PCDHA12: variants seen among roughly 807,000 people sequenced by gnomAD.
The protein encoded by PCDHA12 is protocadherin alpha 12, also known as protocadherin alpha-12.
In PCDHA12, 44 loss-of-function variants were observed where a neutral mutation model predicts 60.0. The observed-to-expected ratio is 0.73, with a 90% CI of 0.58 to 0.94. The LOEUF (loss-of-function observed/expected upper bound fraction) is 0.94. PCDHA12 is among the 40% of genes least tolerant of loss of function. PCDHA12 has a pLI of 0.00. For missense variants in PCDHA12, 1,276 were observed against 1,239.7 expected (o/e 1.03, Z -0.44); for synonymous variants, 569 against 553.0 (o/e 1.03, Z -0.40).
intron 3 of PCDHA12, among the ~76,000 whole-genome samples, chr5:140,997,644 ATGCAATAT>A (rs1287449551): frequency 7.9e-5 from 12 of 151,656 alleles, no homozygotes; most frequent in African/African-American, 2.9e-4. Flanking sequence ...AAATGGGATA[ATGCAATAT>A]GTATTATTAT....
chr5:140,923,964 C>A (rs1410428693), intron 1 of PCDHA12, among the ~76,000 whole-genome samples: 1 of 152,160 alleles, frequency 6.6e-6, no homozygotes, highest in East Asian at 1.9e-4. Context: ...CTAATCTATA[C>A]CCACACATAC....
intron 1 of PCDHA12, among the ~76,000 whole-genome samples, chr5:140,898,854 C>G (rs1467228131): frequency 2.0e-5 from 3 of 152,150 alleles, no homozygotes; most frequent in Admixed American, 6.6e-5. Flanking sequence ...TTTGTATCCT[C>G]TTTTATTTCA....
At chr5:141,001,384 A>G (rs1554258149) in intron 3 of PCDHA12, among the ~76,000 whole-genome samples, 1 of 152,204 alleles carries the variant, frequency 6.6e-6, no homozygotes, top group African/African-American at 2.4e-5. Context: ...AGAGCCTAAG[A>G]TCCTACAGAG....
Position 140,956,487 on chromosome 5 carries a change from C to G in PCDHA12, c.2368-22462C>G, listed in dbSNP as rs2095287981. The stretch of plus-strand genomic sequence containing the variant: ...GCATATGTTGAACCAGTCTTGCATC[C>G]CAGGGATGAAGCCTACTTGATCATG... On this transcript the variant is annotated intron_variant, in intron 1 of 3. Transcript: ENST00000398631. Among the ~76,000 whole-genome samples, 2 of 152,032 alleles carry G rather than the reference C, an allele frequency of 1.3e-5. 1 individual carries two copies. Among genetic ancestry groups the G allele is most frequent in the Admixed American group, 1.3e-4 (2 of 15,252 alleles).
At position 140,877,090 on chromosome 5, in the gene PCDHA12, G is replaced by C; in HGVS notation, c.1618G>C (p.Ala540Pro). 4 of 1,613,186 alleles carry C rather than the reference G, an allele frequency of 2.5e-6. No homozygotes were observed. Among genetic ancestry groups the C allele is most frequent in the Non-Finnish European group, 3.4e-6 (4 of 1,179,808 alleles). ...GCAGTTCCAGGTGAGCGCGCGCGAC[G>C]CCGGCGTGCCGCCTCTGGGCAGCAA... ...LLQFQVSARD[A>P]GVPPLGSNVT... The change falls in exon 1 of 4, where the codon GCC (alanine) becomes CCC (proline). Residue 540 changes from alanine to proline, a missense_variant. Transcript: ENST00000398631.
intron 1 of PCDHA12, chr5:140,967,740 A>T (rs2096177949): frequency 6.2e-6 from 10 of 1,614,052 alleles, no homozygotes; most frequent in Non-Finnish European, 8.5e-6. Flanking sequence ...GGGCTGGATT[A>T]TGAGGAAGCC....
intron 1 of PCDHA12, among the ~76,000 whole-genome samples, chr5:140,932,418 ATTG>A (rs1457931424): frequency 1.3e-5 from 2 of 151,928 alleles, no homozygotes; most frequent in African/African-American, 4.8e-5. Context: ...ATATTAGTGT[ATTG>A]TTCACCTGGA....
intron 2 of PCDHA12, among the ~76,000 whole-genome samples, chr5:140,981,822 G>A (rs1229465317): frequency 6.6e-6 from 1 of 151,926 alleles, no homozygotes; most frequent in Non-Finnish European, 1.5e-5. Flanking sequence ...ATCTCTGCTT[G>A]CCTCTAAAGG....
intron 1 of PCDHA12, among the ~76,000 whole-genome samples, chr5:140,910,535 T>G (rs2153515129): frequency 6.6e-6 from 1 of 152,274 alleles, no homozygotes; most frequent in African/African-American, 2.4e-5. Flanking sequence ...CCCTCACAAA[T>G]CTATTTTGCA....
chr5:140,949,050 T>C lies in PCDHA12; in HGVS notation c.2368-29899T>C, dbSNP rs561017467. 5.3e-5 allele frequency among the ~76,000 whole-genome samples: 8 copies of C among 151,896 alleles called. No homozygotes were observed. The East Asian group carries it at 1.5e-3, about 29-fold the overall frequency. On this transcript the variant is annotated intron_variant, in intron 1 of 3. Coordinates refer to ENST00000398631, the MANE Select transcript of PCDHA12 (RefSeq NM_018903.4). ...TATTCATTTAAAAGTATGTTCTAAT[T>C]TCCATTATGATTTAACTCTTTCACC...
intron 2 of PCDHA12, among the ~76,000 whole-genome samples, chr5:140,979,831 A>G (rs1401761792): frequency 5.3e-5 from 8 of 152,236 alleles, no homozygotes; most frequent in African/African-American, 1.9e-4. Context: ...TTAAAGAAGA[A>G]ATAATCTTCA....
Position 140,876,644 on chromosome 5 carries a change from C to T in PCDHA12, c.1172C>T (p.Pro391Leu). The change falls in exon 1 of 4, where the codon CCT (proline) becomes CTT (leucine). Residue 391 changes from proline to leucine, a missense_variant. Pro to Leu is a moderately conservative substitution (Grantham distance 98, BLOSUM62 -3). Transcript: ENST00000398631. The stretch of plus-strand genomic sequence containing the variant: ...GGACAGGTCATCTGCTCACTGACAC[C>T]TCATGTTCCCTTCAAGCTGGTGTCC... ...ANGQVICSLT[P>L]HVPFKLVSTY... The T allele has an allele frequency of 1.2e-6, 2 of 1,614,200 alleles. No individual in the cohort carries two copies. Among genetic ancestry groups the T allele is most frequent in the South Asian group, 1.1e-5 (1 of 91,084 alleles).
At chr5:141,002,550 G>A (rs1458455103) in intron 3 of PCDHA12, among the ~76,000 whole-genome samples, 1 of 152,186 alleles carries the variant, frequency 6.6e-6, no homozygotes, top group African/African-American at 2.4e-5. Context: ...TGAGTCCCAG[G>A]ATCCACCAGT....
chr5:140,972,947 C>T (rs1287629621), intron 1 of PCDHA12, among the ~76,000 whole-genome samples: 1 of 152,096 alleles, frequency 6.6e-6, no homozygotes, highest in African/African-American at 2.4e-5. Context: ...CAGATGTGAG[C>T]CACCATGCCC....
chr5:140,900,907 T>C (rs1156878452), intron 1 of PCDHA12, among the ~76,000 whole-genome samples: 1 of 152,190 alleles, frequency 6.6e-6, no homozygotes, highest in African/African-American at 2.4e-5. Context: ...ATTTTAACTG[T>C]GGTAAGATGA....
chr5:140,876,601 C>G lies in PCDHA12; in HGVS notation c.1129C>G (p.Arg377Gly). The G allele has an allele frequency of 6.2e-7, 1 of 1,614,152 alleles. No individual in the cohort carries two copies. The highest frequency in any genetic ancestry group is 8.5e-7 in the Non-Finnish European group (1 of 1,180,034). Residue 377 changes from arginine to glycine, a missense_variant, in exon 1 of 4, where the codon CGT becomes GGT. Coordinates refer to ENST00000398631, the MANE Select transcript of PCDHA12 (RefSeq NM_018903.4). ...TVIALISVSD[R>G]DSGANGQVIC... ...CATTGCCCTGATTAGCGTGTCGGAT[C>G]GTGACTCTGGAGCCAATGGACAGGT... is the stretch of plus-strand genomic sequence containing the variant.
At position 140,928,325 on chromosome 5, in the gene PCDHA12, G is replaced by A. The variant is rs1432328240; in HGVS notation, c.2367+50486G>A. 3.1e-6 allele frequency: 5 copies of A among 1,614,020 alleles called. No homozygotes were observed. The African/African-American group carries it at 6.7e-5, about 22-fold the overall frequency. ...CAGGACCCCGACCTGGGGAAGAATGGCCTTGTCTCTTATGAGCTGTTGGAT... is the reference window on the plus strand; with the variant it reads ...CAGGACCCCGACCTGGGGAAGAATGACCTTGTCTCTTATGAGCTGTTGGAT... On this transcript the variant is annotated intron_variant, in intron 1 of 3. Transcript: ENST00000398631.
intron 1 of PCDHA12, among the ~76,000 whole-genome samples, chr5:140,933,012 A>G (rs1554209160): frequency 6.6e-6 from 1 of 152,008 alleles, no homozygotes; most frequent in Middle Eastern, 3.2e-3. Flanking sequence ...CGGAAATATT[A>G]ACACTTGGCA....
chr5:140,945,496 A>G (rs2093798194), intron 1 of PCDHA12, among the ~76,000 whole-genome samples: 1 of 152,142 alleles, frequency 6.6e-6, no homozygotes, highest in South Asian at 2.1e-4. Context: ...TACCCAAAGC[A>G]ATATTGAGCA....
Sources: allele counts gnomAD v4.1 joint callset (sites outside exome capture counted in the v4.1 genomes callset), GRCh38; gene constraint gnomAD v4.1.1; transcripts MANE v1.5; gene names NCBI Gene and HGNC (gene_info 2026-07-23, HGNC 2026-07-21).